The following KIF26B variants were observed in gnomAD, a reference collection of about 807,000 sequenced individuals.
The protein encoded by KIF26B is kinesin family member 26B.
Under a neutral mutation model 151.2 loss-of-function variants are expected in KIF26B, and 63 were observed. That is an observed-to-expected ratio of 0.42 (90% CI 0.34 to 0.51). The LOEUF is 0.51. Ranked by LOEUF, KIF26B falls within the 20% of genes least tolerant of loss-of-function variation. KIF26B has a pLI of 0.07. For missense variants in KIF26B, 2,813 were observed against 2,913.6 expected, an observed-to-expected ratio of 0.97 and a Z score of 0.79; for synonymous variants, 1,357 against 1,262.1, an observed-to-expected ratio of 1.08 and a Z score of -1.59.
At chr1:245,464,412 GGGGTGTGTGT>G (rs978494605) in intron 4 of KIF26B, among the ~76,000 whole-genome samples, 28 of 143,240 alleles carry the variant, frequency 2.0e-4, no homozygotes, top group Middle Eastern at 8.4e-3. Flanking sequence ...TGCGTATGTG[GGGGTGTGTGT>G]GGGTGTGTGC....
At chr1:245,354,460 C>T (rs1161745816) in intron 2 of KIF26B, among the ~76,000 whole-genome samples, 1 of 152,216 alleles carries the variant, frequency 6.6e-6, no homozygotes, top group African/African-American at 2.4e-5. Flanking sequence ...CTCAGGGCCG[C>T]ATCAGCCTCT....
At chr1:245,577,631 GGAAGAGCTTTGTGGAACTCCA>G (rs2043133600) in intron 5 of KIF26B, among the ~76,000 whole-genome samples, 1 of 148,258 alleles carries the variant, frequency 6.7e-6, no homozygotes. Context: ...TCCCCTACAC[GGAAGAGCTTTGTGGAACTCCA>G]GGCGATGCAT....
chr1:245,316,916 G>A (rs991024982), intron 2 of KIF26B, among the ~76,000 whole-genome samples: 1 of 142,178 alleles, frequency 7.0e-6, no homozygotes, highest in Non-Finnish European at 1.5e-5. Flanking sequence ...GAGTCCTGGC[G>A]CCTGGGCTGT....
chr1:245,311,455 C>A (rs1021631483), intron 2 of KIF26B, among the ~76,000 whole-genome samples: 4 of 151,970 alleles, frequency 2.6e-5, no homozygotes, highest in African/African-American at 9.7e-5. Flanking sequence ...CACCTCACTG[C>A]AGCCGGGTAT....
At chr1:245,341,166 G>A (rs914105103) in intron 2 of KIF26B, among the ~76,000 whole-genome samples, 1 of 152,054 alleles carries the variant, frequency 6.6e-6, no homozygotes, top group Non-Finnish European at 1.5e-5. Context: ...GTCAAGTGCT[G>A]GTCATCGCAG....
intron 2 of KIF26B, among the ~76,000 whole-genome samples, chr1:245,210,116 C>T (rs758784975): frequency 5.3e-5 from 8 of 152,208 alleles, no homozygotes; most frequent in Non-Finnish European, 1.0e-4. Flanking sequence ...CAGGCTCCAC[C>T]CCTCTGGGAC....
chr1:245,422,803 A>G (rs1305903414), intron 4 of KIF26B, among the ~76,000 whole-genome samples: 2 of 152,126 alleles, frequency 1.3e-5, no homozygotes, highest in Non-Finnish European at 2.9e-5. Flanking sequence ...GCCTGCTTTC[A>G]GGAAGCTGTC....
intron 3 of KIF26B, among the ~76,000 whole-genome samples, chr1:245,382,155 A>G (rs943347208): frequency 1.4e-4 from 21 of 152,110 alleles, no homozygotes; most frequent in African/African-American, 4.1e-4. Flanking sequence ...ACTGTTTTCC[A>G]TAGTAGCGGC....
chr1:245,333,247 ATGT>A (rs2102992169), intron 2 of KIF26B, among the ~76,000 whole-genome samples: 1 of 152,316 alleles, frequency 6.6e-6, no homozygotes, highest in African/African-American at 2.4e-5. Flanking sequence ...ATACAATAGA[ATGT>A]TGTTTCAGCC....
intron 2 of KIF26B, among the ~76,000 whole-genome samples, chr1:245,212,869 C>T (rs543465422): frequency 1.3e-5 from 2 of 152,354 alleles, no homozygotes; most frequent in East Asian, 1.9e-4. Context: ...CAGCATATGG[C>T]ATTTTTCATG....
intron 5 of KIF26B, among the ~76,000 whole-genome samples, chr1:245,543,604 G>A (rs1052493768): frequency 1.3e-5 from 2 of 152,166 alleles, no homozygotes; most frequent in Admixed American, 1.3e-4. Flanking sequence ...TGGGGCATGG[G>A]TAACAGTGAG....
At chr1:245,526,075 G>A (rs1416996674) in intron 4 of KIF26B, among the ~76,000 whole-genome samples, 1 of 152,170 alleles carries the variant, frequency 6.6e-6, no homozygotes, top group Admixed American at 6.5e-5. Context: ...CAGCTCAACA[G>A]GGCCTGGTTT....
intron 2 of KIF26B, among the ~76,000 whole-genome samples, chr1:245,172,816 CA>C (rs1668737061): frequency 6.6e-6 from 1 of 151,812 alleles, no homozygotes; most frequent in Non-Finnish European, 1.5e-5. Flanking sequence ...TCTCAAAAAA[CA>C]AAAACAAAAA....
chr1:245,366,402 G>C (rs1045485895), intron 2 of KIF26B, among the ~76,000 whole-genome samples: 3 of 151,822 alleles, frequency 2.0e-5, no homozygotes, highest in African/African-American at 7.3e-5. Flanking sequence ...CGTGGTGGTG[G>C]GCGCCTGTAG....
chr1:245,286,179 C>T lies in KIF26B; in HGVS notation c.466-80655C>T, dbSNP rs1041739612. ...TTACTCATCATACGTCAGGATGTCA[C>T]CTGGTCTCTGGGGGTACCTGTGGAT... On this transcript the variant is annotated intron_variant, in intron 2 of 14. Transcript: ENST00000407071. Among the ~76,000 whole-genome samples, 22 of 152,038 alleles carry T rather than the reference C, an allele frequency of 1.4e-4. 1 individual carries two copies.
At chr1:245,226,807 G>A (rs550553302) in intron 2 of KIF26B, among the ~76,000 whole-genome samples, 2 of 152,320 alleles carry the variant, frequency 1.3e-5, no homozygotes, top group Admixed American at 6.5e-5. Context: ...TATGATGGCA[G>A]AATCATGTGC....
At chr1:245,438,391 AACT>A (rs1393557142) in intron 4 of KIF26B, among the ~76,000 whole-genome samples, 1 of 152,200 alleles carries the variant, frequency 6.6e-6, no homozygotes, top group Non-Finnish European at 1.5e-5. Context: ...GTTCTTTGAG[AACT>A]ACGTTTACTT....
chr1:245,416,344 A>C (rs1674421101), intron 3 of KIF26B, among the ~76,000 whole-genome samples: 1 of 151,956 alleles, frequency 6.6e-6, no homozygotes, highest in Non-Finnish European at 1.5e-5. Context: ...TAAAGAAATG[A>C]CTCTTACTTA....
chr1:245,382,948 A>G (rs1673446513), intron 3 of KIF26B, among the ~76,000 whole-genome samples: 1 of 149,198 alleles, frequency 6.7e-6, no homozygotes. Context: ...ATTTTACTAA[A>G]TATATACTTA....
Sources: gnomAD v4.1 joint callset for allele counts (sites outside exome capture counted in the v4.1 genomes callset) on GRCh38, gnomAD v4.1.1 for gene constraint, MANE v1.5 for transcripts, NCBI Gene and HGNC (gene_info 2026-07-23, HGNC 2026-07-21) for gene names.